The following KCNAB1 variants were observed in gnomAD, a reference collection of about 807,000 sequenced individuals.
The protein encoded by KCNAB1 is voltage-gated potassium channel subunit beta-1.
KCNAB1 carries 35 observed loss-of-function variants against 64.6 expected under a neutral mutation model. The observed-to-expected ratio is 0.54, with a 90% CI of 0.41 to 0.72. The LOEUF (loss-of-function observed/expected upper bound fraction) is 0.72. Among genes scored for constraint, KCNAB1 ranks in the 30% least tolerant of loss-of-function variants. The probability of loss-of-function intolerance (pLI) is 0.00; values close to 1 mark genes in which losing one functional copy is unlikely to be tolerated. For missense variants in KCNAB1, 401 were observed against 512.9 expected, an observed-to-expected ratio of 0.78 and a Z score of 2.11; for synonymous variants, 177 against 183.8, an observed-to-expected ratio of 0.96 and a Z score of 0.30.
chr3:156,152,217 A>G (rs1715454577), intron 1 of KCNAB1, among the ~76,000 whole-genome samples: 2 of 152,204 alleles, frequency 1.3e-5, no homozygotes, highest in Non-Finnish European at 2.9e-5. Flanking sequence ...TGCTCAGCAC[A>G]TCCCCTGAGG....
At chr3:156,440,278 A>G (rs1222480094) in intron 2 of KCNAB1, among the ~76,000 whole-genome samples, 2 of 152,222 alleles carry the variant, frequency 1.3e-5, no homozygotes, top group African/African-American at 4.8e-5. Flanking sequence ...AGTTACCTAA[A>G]TTTCTGGATA....
chr3:156,529,184 T>C (rs1344927507), intron 12 of KCNAB1, among the ~76,000 whole-genome samples: 1 of 152,142 alleles, frequency 6.6e-6, no homozygotes, highest in Non-Finnish European at 1.5e-5. Context: ...GGGTACATAG[T>C]GCAACACGGA....
At chr3:156,285,295 A>G (rs1465463475) in intron 1 of KCNAB1, among the ~76,000 whole-genome samples, 1 of 152,220 alleles carries the variant, frequency 6.6e-6, no homozygotes, top group Non-Finnish European at 1.5e-5. Flanking sequence ...GACATGGCCA[A>G]TATTTATGCC....
intron 1 of KCNAB1, among the ~76,000 whole-genome samples, chr3:156,256,661 A>G (rs1718116369): frequency 6.6e-6 from 1 of 152,160 alleles, no homozygotes; most frequent in Non-Finnish European, 1.5e-5. Flanking sequence ...ATTTTTGCCC[A>G]CTTGAGAGAA....
chr3:156,125,283 A>C (rs1713589467), intron 1 of KCNAB1, among the ~76,000 whole-genome samples: 1 of 152,240 alleles, frequency 6.6e-6, no homozygotes, highest in African/African-American at 2.4e-5. Flanking sequence ...TATGAAGAAA[A>C]TTAAGGATGG....
intron 8 of KCNAB1, among the ~76,000 whole-genome samples, chr3:156,498,417 C>T (rs1349134275): frequency 1.3e-5 from 2 of 152,232 alleles, no homozygotes; most frequent in East Asian, 1.9e-4. Context: ...CTGTGCGGTT[C>T]TCATGATGGT....
At chr3:156,529,338 T>A (rs1416850783) in intron 12 of KCNAB1, among the ~76,000 whole-genome samples, 1 of 152,146 alleles carries the variant, frequency 6.6e-6, no homozygotes, top group Non-Finnish European at 1.5e-5. Context: ...GGTAGGGATC[T>A]TATTAGGGTG....
At chr3:156,284,686 C>T (rs1326112587) in intron 1 of KCNAB1, among the ~76,000 whole-genome samples, 2 of 152,182 alleles carry the variant, frequency 1.3e-5, no homozygotes, top group Non-Finnish European at 2.9e-5. Context: ...GTTTTTTAAG[C>T]CCGTCGGAAA....
At chr3:156,201,790 A>C (rs1220911096) in intron 1 of KCNAB1, among the ~76,000 whole-genome samples, 1 of 152,150 alleles carries the variant, frequency 6.6e-6, no homozygotes, top group African/African-American at 2.4e-5. Context: ...GCAGGTATGT[A>C]AAGTGGCATG....
At chr3:156,330,000 A>G (rs1723228190) in intron 1 of KCNAB1, among the ~76,000 whole-genome samples, 1 of 152,218 alleles carries the variant, frequency 6.6e-6, no homozygotes, top group Non-Finnish European at 1.5e-5. Context: ...TTTAATTCCA[A>G]AATAACTTTG....
chr3:156,216,151 G>A (rs888810775), intron 1 of KCNAB1, among the ~76,000 whole-genome samples: 2 of 152,140 alleles, frequency 1.3e-5, no homozygotes, highest in Non-Finnish European at 2.9e-5. Context: ...TAGGCAATAC[G>A]TTAATGAAAT....
At chr3:156,461,677 G>A (rs1036953047) in intron 5 of KCNAB1, among the ~76,000 whole-genome samples, 15 of 152,098 alleles carry the variant, frequency 9.9e-5, no homozygotes, top group African/African-American at 2.7e-4. Context: ...GGAAAGTATC[G>A]GTGCAGTAGC....
At chr3:156,403,877 GAGAA>G (rs961003762) in intron 1 of KCNAB1, among the ~76,000 whole-genome samples, 8 of 146,286 alleles carry the variant, frequency 5.5e-5, no homozygotes, top group African/African-American at 7.9e-5. Flanking sequence ...CTGGGTGACA[GAGAA>G]AGACTCTGCC....
At chr3:156,185,597 A>G (rs1281367398) in intron 1 of KCNAB1, among the ~76,000 whole-genome samples, 1 of 152,228 alleles carries the variant, frequency 6.6e-6, no homozygotes, top group Non-Finnish European at 1.5e-5. Flanking sequence ...AGATTAGTAA[A>G]TTGTGAAAAT....
chr3:156,525,543 T>A (rs1718254173), intron 12 of KCNAB1, among the ~76,000 whole-genome samples: 1 of 152,278 alleles, frequency 6.6e-6, no homozygotes, highest in Non-Finnish European at 1.5e-5. Flanking sequence ...TGAGACGCAG[T>A]CTCGCTCTGT....
chr3:156,203,466 ATACT>A (rs1263441435), intron 1 of KCNAB1, among the ~76,000 whole-genome samples: 1 of 152,248 alleles, frequency 6.6e-6, no homozygotes, highest in Non-Finnish European at 1.5e-5. Flanking sequence ...GCTGGGCAAC[ATACT>A]TAACCTTCCT....
chr3:156,238,180 T>C (rs983179423), intron 1 of KCNAB1, among the ~76,000 whole-genome samples: 1 of 152,062 alleles, frequency 6.6e-6, no homozygotes, highest in African/African-American at 2.4e-5. Context: ...TCCCAGCATT[T>C]TGGGAGGCCG....
At chr3:156,167,404 C>T (rs975749775) in intron 1 of KCNAB1, among the ~76,000 whole-genome samples, 8 of 152,090 alleles carry the variant, frequency 5.3e-5, no homozygotes, top group Non-Finnish European at 7.4e-5. Flanking sequence ...GTTATTGTTA[C>T]GATCAAATCA....
chr3:156,449,949 C>A (rs542319971), intron 2 of KCNAB1, among the ~76,000 whole-genome samples: 6 of 152,300 alleles, frequency 3.9e-5, no homozygotes, highest in African/African-American at 1.2e-4. Flanking sequence ...ATAGGGCTAT[C>A]CCCTGTGATG....
Sources: allele counts gnomAD v4.1 joint callset (sites outside exome capture counted in the v4.1 genomes callset), GRCh38; gene constraint gnomAD v4.1.1; transcripts MANE v1.5; gene names NCBI Gene and HGNC (gene_info 2026-07-23, HGNC 2026-07-21).